ATP11A: variants seen among roughly 807,000 people sequenced by gnomAD.
The protein encoded by ATP11A is phospholipid-transporting ATPase IH.
A neutral mutation model predicts 154.4 loss-of-function variants in ATP11A; 81 were observed. The observed-to-expected ratio is 0.52, with a 90% CI of 0.44 to 0.63. The LOEUF (loss-of-function observed/expected upper bound fraction) is 0.63. Ranked by LOEUF, ATP11A falls within the 30% of genes least tolerant of loss-of-function variation. The pLI, the probability that ATP11A is intolerant of heterozygous loss-of-function variation, is 0.00. For missense variants in ATP11A, 1,316 were observed against 1,474.3 expected, an observed-to-expected ratio of 0.89 and a Z score of 1.76; for synonymous variants, 623 against 585.9, an observed-to-expected ratio of 1.06 and a Z score of -0.91.
chr13:112,780,643 G>A (rs549127250), intron 1 of ATP11A, among the ~76,000 whole-genome samples: 4 of 152,258 alleles, frequency 2.6e-5, no homozygotes, highest in African/African-American at 7.2e-5. Context: ...TCCTTTGGTC[G>A]GTTTGTGTCC....
intron 21 of ATP11A, 67 bp downstream of exon 21, chr13:112,857,987 A>AT (rs1322507498): frequency 6.3e-7 from 1 of 1,581,574 alleles, no homozygotes; most frequent in Non-Finnish European, 8.7e-7. Context: ...ACAAAGGCCC[A>AT]TGGCAGCACG....
In ATP11A at chr13:112,844,128, T is replaced by C. The variant is rs373219939; in HGVS notation, c.1809+1749T>C. 2.0e-5 allele frequency among the ~76,000 whole-genome samples: 3 copies of C among 152,268 alleles called. No individual in the cohort carries two copies. The East Asian group carries it at 5.8e-4, about 29-fold the overall frequency. On this transcript the variant is annotated intron_variant, in intron 17 of 29. Coordinates refer to ENST00000375645, the MANE Select transcript of ATP11A (RefSeq NM_015205.3). ...TTTCCAATAGCGCGAGGCTGTGCTT[T>C]GCTGTGACGTGGTCGCCGTGCCATG... is the stretch of plus-strand genomic sequence containing the variant.
At chr13:112,851,997 A>C (rs886356799) in intron 18 of ATP11A, 1 of 152,248 alleles carries the variant, frequency 6.6e-6, no homozygotes, top group African/African-American at 2.4e-5. Flanking sequence ...CATAACTGGC[A>C]AAATTACCAA....
chr13:112,713,249 G>C (rs965004748), intron 1 of ATP11A, among the ~76,000 whole-genome samples: 10 of 152,266 alleles, frequency 6.6e-5, no homozygotes, highest in Non-Finnish European at 1.5e-4. Flanking sequence ...ACAAAAATTT[G>C]CTGGGCATGG....
At chr13:112,714,012 C>G (rs906920259) in intron 1 of ATP11A, among the ~76,000 whole-genome samples, 1 of 149,394 alleles carries the variant, frequency 6.7e-6, no homozygotes, top group African/African-American at 2.5e-5. Flanking sequence ...CCACTCCCCC[C>G]CACCCCTGAT....
chr13:112,714,446 G>A (rs1888195807), intron 1 of ATP11A, among the ~76,000 whole-genome samples: 1 of 152,032 alleles, frequency 6.6e-6, no homozygotes, highest in Non-Finnish European at 1.5e-5. Flanking sequence ...AGACCTGAAG[G>A]ACAGCCCTTC....
intron 26 of ATP11A, among the ~76,000 whole-genome samples, chr13:112,873,010 G>A (rs79309579): frequency 6.2e-5 from 7 of 113,800 alleles, no homozygotes; most frequent in South Asian, 2.9e-4. Context: ...CTTCCTGAGC[G>A]GTGTGAGGTG....
At chr13:112,832,032 T>A (rs1035377010) in intron 13 of ATP11A, among the ~76,000 whole-genome samples, 1 of 148,374 alleles carries the variant, frequency 6.7e-6, no homozygotes. Flanking sequence ...AGACACACTC[T>A]CACACACTCC....
intron 12 of ATP11A, among the ~76,000 whole-genome samples, chr13:112,830,198 C>T (rs1007162244): frequency 8.5e-5 from 13 of 152,322 alleles, no homozygotes; most frequent in South Asian, 4.1e-4. Context: ...AAATATGCCA[C>T]CTATTTAGTT....
chr13:112,724,097 TCCCCATCGCCCCCTTCGC>T lies in ATP11A; in HGVS notation c.39+33647_39+33664del, dbSNP rs1394970094. Among the ~76,000 whole-genome samples, 26 of 131,400 alleles carry T rather than the reference TCCCCATCGCCCCCTTCGC, an allele frequency of 2.0e-4. No individual in the cohort carries two copies. In the East Asian group the frequency reaches 5.8e-3, roughly 29 times the overall value. 86.2% of individuals were successfully genotyped at this position (131,400 alleles called of 152,430 possible). ...CCTGGGTGTGGACCAGCCCCTATCG[TCCCCATCGCCCCCTTCGC>T]CCCCTTCTCCCCCATCGCCCCCTTC... is the stretch of plus-strand genomic sequence containing the variant. On this transcript the variant is annotated intron_variant, in intron 1 of 29. Coordinates refer to ENST00000375645, the MANE Select transcript of ATP11A (RefSeq NM_015205.3).
intron 17 of ATP11A, among the ~76,000 whole-genome samples, chr13:112,849,550 G>T (rs1315020295): frequency 1.3e-5 from 2 of 152,200 alleles, no homozygotes; most frequent in Admixed American, 6.5e-5. Context: ...TCTGGTTTCA[G>T]ACTGAAGCTA....
intron 12 of ATP11A, among the ~76,000 whole-genome samples, chr13:112,827,840 T>G (rs1330301430): frequency 6.6e-6 from 1 of 152,252 alleles, no homozygotes; most frequent in Non-Finnish European, 1.5e-5. Context: ...AGGATCATGT[T>G]CCACATTTGA....
intron 1 of ATP11A, among the ~76,000 whole-genome samples, chr13:112,716,991 C>T (rs536537588): frequency 1.3e-5 from 2 of 152,170 alleles, no homozygotes; most frequent in African/African-American, 2.4e-5. Flanking sequence ...AGACGCAGAC[C>T]CACTGGCCTG....
At chr13:112,874,743 GGAGGGTGTCAGGCACCCT>G (rs1366852611) in intron 27 of ATP11A, among the ~76,000 whole-genome samples, 9 of 152,282 alleles carry the variant, frequency 5.9e-5, no homozygotes, top group African/African-American at 2.2e-4. Context: ...AGCCCAGCTT[GGAGGGTGTCAGGCACCCT>G]GTCAGCCCCA....
intron 13 of ATP11A, 36 bp downstream of exon 13, chr13:112,831,584 G>A: frequency 6.2e-7 from 1 of 1,602,776 alleles, no homozygotes; most frequent in Non-Finnish European, 8.5e-7. Flanking sequence ...AAGTGTGTGA[G>A]TGAGTGGGCG....
chr13:112,858,132 C>A lies in ATP11A; in HGVS notation c.2522-13C>A, dbSNP rs1460898810. The stretch of plus-strand genomic sequence containing the variant: ...GAAAGCATTTCTTCAGCTCCTTCAC[C>A]TCCGTCTTCTAGGTGTCATCGGCAA... On this transcript the variant is annotated splice_polypyrimidine_tract_variant and intron_variant, in intron 21 of 29. Transcript: ENST00000375645. The A allele has an allele frequency of 6.2e-7, 1 of 1,611,518 alleles. No individual in the cohort carries two copies. Among genetic ancestry groups the A allele is most frequent in the Non-Finnish European group, 8.5e-7 (1 of 1,178,304 alleles).
rs1885799354 is a variant in ATP11A, at chr13:112,696,341, G to A, written c.39+5886G>A. Among the ~76,000 whole-genome samples the A allele has an allele frequency of 6.6e-6, 1 of 152,152 alleles. No homozygotes were observed. Among genetic ancestry groups the A allele is most frequent in the African/African-American group, 2.4e-5 (1 of 41,442 alleles). The stretch of plus-strand genomic sequence containing the variant: ...GCACTCCTCTTCACGTGGAGAGTGG[G>A]TGACCTTGCCCTGCTCTCCCGGGGA... On this transcript the variant is annotated intron_variant, in intron 1 of 29. Coordinates refer to ENST00000375645, the MANE Select transcript of ATP11A (RefSeq NM_015205.3). This position sits in a 1 kb window ranked among gnomAD's most constrained non-coding sequence, Gnocchi z 6.2.
chr13:112,874,600 C>T (rs1191188883), intron 27 of ATP11A, among the ~76,000 whole-genome samples: 3 of 152,178 alleles, frequency 2.0e-5, no homozygotes, highest in Non-Finnish European at 4.4e-5. Flanking sequence ...GGAAAGCCAG[C>T]AACCCACTCA....
At chr13:112,732,377 T>G (rs1202197352) in intron 1 of ATP11A, among the ~76,000 whole-genome samples, 4 of 152,052 alleles carry the variant, frequency 2.6e-5, no homozygotes, top group African/African-American at 9.7e-5. Flanking sequence ...CCAGTGAGTC[T>G]CTCTCTCCCC....
Sources: gnomAD v4.1 joint callset for allele counts (sites outside exome capture counted in the v4.1 genomes callset) on GRCh38, gnomAD v4.1.1 for gene constraint, Gnocchi (gnomAD v3.1) non-coding constraint, MANE v1.5 for transcripts, NCBI Gene and HGNC (gene_info 2026-07-23, HGNC 2026-07-21) for gene names.